Variants in CMTM8 observed in about 807,000 individuals in gnomAD.
CMTM8 encodes the protein CKLF like MARVEL transmembrane domain containing 8.
In CMTM8, 12 loss-of-function variants were observed where a neutral mutation model predicts 18.6. That is an observed-to-expected ratio of 0.65 (90% CI 0.41 to 1.05). The LOEUF (loss-of-function observed/expected upper bound fraction) is 1.05. CMTM8 is among the 50% of genes least tolerant of loss of function. The pLI, the probability that CMTM8 is intolerant of heterozygous loss-of-function variation, is 0.00. For synonymous variants in CMTM8, 87 were observed against 90.6 expected (o/e 0.96, Z 0.23); for missense variants, 217 against 227.2 (o/e 0.95, Z 0.29).
At chr3:32,306,631 G>C (rs1695721211) in intron 1 of CMTM8, among the ~76,000 whole-genome samples, 2 of 152,192 alleles carry the variant, frequency 1.3e-5, no homozygotes, top group Admixed American at 6.5e-5. Flanking sequence ...TATATTCTCA[G>C]GAGTAAGATT....
intron 1 of CMTM8, among the ~76,000 whole-genome samples, chr3:32,261,826 G>C (rs1702263548): frequency 6.6e-6 from 1 of 152,160 alleles, no homozygotes; most frequent in East Asian, 1.9e-4. Flanking sequence ...TCCATCCTCT[G>C]TACACACCCA....
At chr3:32,281,327 C>G (rs749988424) in intron 1 of CMTM8, among the ~76,000 whole-genome samples, 2 of 152,098 alleles carry the variant, frequency 1.3e-5, no homozygotes, top group Admixed American at 1.3e-4. Flanking sequence ...TCTCTTGGAA[C>G]GTTTTGATTA....
intron 1 of CMTM8, among the ~76,000 whole-genome samples, chr3:32,309,285 T>G (rs1695773397): frequency 6.8e-6 from 1 of 148,130 alleles, no homozygotes; most frequent in Non-Finnish European, 1.5e-5. Flanking sequence ...GGCTGAGCTC[T>G]CAACCAATTT....
intron 1 of CMTM8, among the ~76,000 whole-genome samples, chr3:32,313,520 G>A (rs1695861961): frequency 6.6e-6 from 1 of 152,080 alleles, no homozygotes; most frequent in African/African-American, 2.4e-5. Context: ...GCCCAGGCTG[G>A]TCTCAAACTC....
At chr3:32,320,262 T>G (rs1696017579) in intron 1 of CMTM8, among the ~76,000 whole-genome samples, 2 of 152,134 alleles carry the variant, frequency 1.3e-5, no homozygotes, top group Admixed American at 1.3e-4. Context: ...AAACAAAACG[T>G]GGTATACCAA....
At chr3:32,307,944 T>G (rs982587314) in intron 1 of CMTM8, among the ~76,000 whole-genome samples, 1 of 152,186 alleles carries the variant, frequency 6.6e-6, no homozygotes, top group East Asian at 1.9e-4. Context: ...GGGAAATAAG[T>G]CAGCAAAGGC....
At chr3:32,357,610 C>T in intron 2 of CMTM8, 64 bp downstream of exon 2, 1 of 1,510,746 alleles carries the variant, frequency 6.6e-7, no homozygotes, top group South Asian at 1.2e-5. Context: ...TAGTCCTCTA[C>T]TAGTCAATCC....
chr3:32,311,412 G>A (rs146678117), intron 1 of CMTM8, among the ~76,000 whole-genome samples: 1 of 152,190 alleles, frequency 6.6e-6, no homozygotes, highest in South Asian at 2.1e-4. Context: ...TTGCCATCTG[G>A]CAGGACTTCG....
intron 1 of CMTM8, among the ~76,000 whole-genome samples, chr3:32,355,736 C>A (rs1696803909): frequency 6.6e-6 from 1 of 152,220 alleles, no homozygotes; most frequent in African/African-American, 2.4e-5. Context: ...TATCATCTGA[C>A]CTTCCCCAGC....
intron 1 of CMTM8, among the ~76,000 whole-genome samples, chr3:32,243,530 C>CAA (rs376396855): frequency 0.012 from 1,263 of 104,260 alleles, 14 homozygotes; most frequent in East Asian, 0.016. Flanking sequence ...GACCCTGTCT[C>CAA]AAAAAAAAAA....
chr3:32,366,026 T>G (rs1697025940), intron 2 of CMTM8, among the ~76,000 whole-genome samples: 2 of 152,124 alleles, frequency 1.3e-5, no homozygotes, highest in South Asian at 4.1e-4. Flanking sequence ...TTCTTTCATC[T>G]CTCCACTTAT....
At chr3:32,278,635 C>G (rs1387344304) in intron 1 of CMTM8, among the ~76,000 whole-genome samples, 1 of 152,206 alleles carries the variant, frequency 6.6e-6, no homozygotes, top group Non-Finnish European at 1.5e-5. Context: ...CAAACTCCTT[C>G]TCAGGATAAC....
chr3:32,279,166 G>A lies in CMTM8; in HGVS notation c.147+40047G>A, dbSNP rs1702566062. On this transcript the variant is annotated intron_variant, in intron 1 of 3. Transcript: ENST00000307526. ...GTTCTGTATTTTTCTTATAATTAGT[G>A]ATTTTTTTTTTTAATTTTTTTTTTA... Among the ~76,000 whole-genome samples the A allele has an allele frequency of 1.4e-4, 3 of 21,266 alleles. No homozygotes were observed. The South Asian group carries it at 5.4e-3, about 38-fold the overall frequency. 14.0% of individuals were successfully genotyped at this position (21,266 alleles called of 152,430 possible).
chr3:32,263,917 A>G (rs1343487271), intron 1 of CMTM8, among the ~76,000 whole-genome samples: 1 of 152,176 alleles, frequency 6.6e-6, no homozygotes, highest in Non-Finnish European at 1.5e-5. Flanking sequence ...ATAAAAAGAA[A>G]CGAACAAAGC....
intron 1 of CMTM8, among the ~76,000 whole-genome samples, chr3:32,332,230 G>A (rs573109294): frequency 4.6e-5 from 7 of 152,306 alleles, no homozygotes; most frequent in South Asian, 2.1e-4. Context: ...GCAGCCCGTC[G>A]CAGTGGACGC....
intron 3 of CMTM8, 44 bp downstream of exon 3, chr3:32,368,032 C>A: frequency 7.4e-7 from 1 of 1,356,144 alleles, no homozygotes; most frequent in Non-Finnish European, 1.1e-6. Context: ...CTTCCCTCTC[C>A]AAGGCTTGCT....
intron 1 of CMTM8, among the ~76,000 whole-genome samples, chr3:32,262,286 A>G (rs1025423964): frequency 7.9e-5 from 12 of 152,216 alleles, no homozygotes; most frequent in African/African-American, 2.7e-4. Context: ...ACAAAGAGGC[A>G]TCCAAAGCAT....
Position 32,367,905 on chromosome 3 carries a change from T to C in CMTM8, c.355T>C (p.Tyr119His). Residue 119 changes from tyrosine (Y) to histidine (H), a missense_variant, in exon 3 of 4, where the codon TAC (tyrosine) becomes CAC (histidine). Physicochemically the swap from Tyr to His is moderately conservative, Grantham distance 83. Coordinates refer to ENST00000307526, the MANE Select transcript of CMTM8 (RefSeq NM_178868.5). Reference protein sequence around the residue: ...LCFNGSAFVLYLSAAVVDASS... With the variant: ...LCFNGSAFVLHLSAAVVDASS... ...CTTTAACGGCAGTGCCTTCGTCTTGTACCTCTCTGCCGCTGTTGTAGATGC... is the reference window on the plus strand; with the variant it reads ...CTTTAACGGCAGTGCCTTCGTCTTGCACCTCTCTGCCGCTGTTGTAGATGC... 1.2e-6 allele frequency: 2 copies of C among 1,614,122 alleles called. No homozygotes were observed. Among genetic ancestry groups the C allele is most frequent in the Non-Finnish European group, 1.7e-6 (2 of 1,179,976 alleles).
chr3:32,238,436 G>A (rs1160040140), upstream of CMTM8: 1 of 152,386 alleles, frequency 6.6e-6, no homozygotes, highest in East Asian at 1.9e-4. Flanking sequence ...GGCCAGGCGG[G>A]GCCTGACAGA....
Sources: gnomAD v4.1 joint callset for allele counts (sites outside exome capture counted in the v4.1 genomes callset) on GRCh38, gnomAD v4.1.1 for gene constraint, MANE v1.5 for transcripts, NCBI Gene and HGNC (gene_info 2026-07-23, HGNC 2026-07-21) for gene names.